TMEM132D: variants seen among roughly 807,000 people sequenced by gnomAD.
TMEM132D encodes transmembrane protein 132D, also known as mature OL transmembrane protein.
A neutral mutation model predicts 62.3 loss-of-function variants in TMEM132D; 21 were observed. The ratio of observed to expected loss-of-function variants is 0.34; its 90% CI spans 0.24 to 0.49. TMEM132D has a LOEUF of 0.49. TMEM132D is among the 20% of genes least tolerant of loss of function. The pLI is 0.99. For synonymous variants in TMEM132D, 621 were observed against 575.6 expected (o/e 1.08, Z -1.13); for missense variants, 1,346 against 1,402.8 (o/e 0.96, Z 0.65).
At chr12:129,655,837 G>T (rs1308350962) in intron 2 of TMEM132D, among the ~76,000 whole-genome samples, 1 of 152,164 alleles carries the variant, frequency 6.6e-6, no homozygotes, top group Non-Finnish European at 1.5e-5. Context: ...TATTATGAAA[G>T]AAATGCAAAC....
intron 4 of TMEM132D, among the ~76,000 whole-genome samples, chr12:129,319,555 C>T (rs1868612968): frequency 6.6e-6 from 1 of 152,078 alleles, no homozygotes; most frequent in Non-Finnish European, 1.5e-5. Context: ...TCTGAATTAT[C>T]AATAAATAGA....
chr12:129,783,429 C>G (rs1440017990), intron 1 of TMEM132D, among the ~76,000 whole-genome samples: 6 of 152,208 alleles, frequency 3.9e-5, no homozygotes, highest in African/African-American at 1.4e-4. Context: ...TCCTTTGCCA[C>G]ATACACATCC....
chr12:129,517,250 GT>G (rs1448125015), intron 3 of TMEM132D, among the ~76,000 whole-genome samples: 1 of 152,118 alleles, frequency 6.6e-6, no homozygotes, highest in African/African-American at 2.4e-5. Context: ...CCATCAAATG[GT>G]GATGATATTT....
chr12:129,390,567 G>T (rs889085326), intron 3 of TMEM132D, among the ~76,000 whole-genome samples: 2 of 152,194 alleles, frequency 1.3e-5, no homozygotes, highest in Non-Finnish European at 2.9e-5. Context: ...TGAGTGCTTT[G>T]TGTTCCTGAG....
chr12:129,109,745 G>C (rs1875623641), intron 5 of TMEM132D: 2 of 161,202 alleles, frequency 1.2e-5, no homozygotes, highest in African/African-American at 4.8e-5. Flanking sequence ...GGCCTCCCTA[G>C]CCATGGGGAC....
At chr12:129,283,588 A>G (rs1881217722) in intron 4 of TMEM132D, among the ~76,000 whole-genome samples, 1 of 152,164 alleles carries the variant, frequency 6.6e-6, no homozygotes, top group Non-Finnish European at 1.5e-5. Context: ...TTCCCAAAGT[A>G]TTGAATGATT....
At chr12:129,142,034 A>G (rs1046264536) in intron 5 of TMEM132D, among the ~76,000 whole-genome samples, 2 of 149,284 alleles carry the variant, frequency 1.3e-5, no homozygotes, top group Admixed American at 6.7e-5. Context: ...TTTTTAAAAA[A>G]TAGACTGATA....
chr12:129,364,060 G>A (rs60890331), intron 3 of TMEM132D, among the ~76,000 whole-genome samples: 6,130 of 152,252 alleles, frequency 0.04, 193 homozygotes, highest in African/African-American at 0.074. Context: ...TGTCACTCAC[G>A]AAGAGTTTTT....
At chr12:129,868,053 C>T (rs1465034907) in intron 1 of TMEM132D, among the ~76,000 whole-genome samples, 2 of 151,710 alleles carry the variant, frequency 1.3e-5, no homozygotes, top group African/African-American at 2.4e-5. Flanking sequence ...ACACATGAGA[C>T]AGCGTTTCTA....
At chr12:129,525,269 A>G (rs1238728780) in intron 3 of TMEM132D, among the ~76,000 whole-genome samples, 8 of 127,722 alleles carry the variant, frequency 6.3e-5, no homozygotes, top group Middle Eastern at 5.4e-3. Flanking sequence ...AATATAATTA[A>G]TAGAAATGAT....
At position 129,159,431 on chromosome 12, in the gene TMEM132D, C is replaced by T. The variant is rs1270312468; in HGVS notation, c.1443+50089G>A. On this transcript the variant is annotated intron_variant, in intron 5 of 8. Transcript: ENST00000422113. ...TGTTCATAACTGGGGAAGAAACACA[C>T]GAAGAGAGATAAATGACATATGCAT... Among the ~76,000 whole-genome samples the T allele has an allele frequency of 3.9e-5, 6 of 151,958 alleles. No homozygotes were observed. The East Asian group carries it at 5.8e-4, about 15-fold the overall frequency.
chr12:129,578,937 A>C (rs1877763778), intron 2 of TMEM132D, among the ~76,000 whole-genome samples: 1 of 152,210 alleles, frequency 6.6e-6, no homozygotes, highest in Non-Finnish European at 1.5e-5. Flanking sequence ...AGACACACCT[A>C]GAAATAATAT....
intron 2 of TMEM132D, among the ~76,000 whole-genome samples, chr12:129,541,531 G>A (rs767431230): frequency 4.6e-5 from 7 of 152,176 alleles, no homozygotes; most frequent in African/African-American, 7.2e-5. Flanking sequence ...AGGGGATGGC[G>A]AGAGAGGGTA....
chr12:129,423,151 A>T (rs2135712079), intron 3 of TMEM132D, among the ~76,000 whole-genome samples: 1 of 152,194 alleles, frequency 6.6e-6, no homozygotes, highest in Admixed American at 6.5e-5. Flanking sequence ...TAAAAAAATA[A>T]ATCTCAATTC....
intron 5 of TMEM132D, chr12:129,170,346 A>T (rs965363697): frequency 1.3e-5 from 2 of 152,226 alleles, no homozygotes; most frequent in African/African-American, 2.4e-5. Context: ...TTGTTGATAC[A>T]GGCACACCTT....
chr12:129,870,157 AT>A (rs1366291911), intron 1 of TMEM132D, among the ~76,000 whole-genome samples: 4 of 151,870 alleles, frequency 2.6e-5, no homozygotes, highest in Non-Finnish European at 5.9e-5. Flanking sequence ...TAATTTTTGT[AT>A]TTTTTGTAGA....
intron 2 of TMEM132D, among the ~76,000 whole-genome samples, chr12:129,684,207 C>T (rs1880852783): frequency 6.6e-6 from 1 of 152,094 alleles, no homozygotes; most frequent in African/African-American, 2.4e-5. Context: ...TTATAGTTTC[C>T]ATAATCCCCA....
intron 1 of TMEM132D, among the ~76,000 whole-genome samples, chr12:129,756,294 G>T (rs1055319212): frequency 1.3e-5 from 2 of 152,044 alleles, no homozygotes; most frequent in Non-Finnish European, 2.9e-5. Flanking sequence ...TAATAAAGAA[G>T]AGAAAAACAA....
intron 2 of TMEM132D, among the ~76,000 whole-genome samples, chr12:129,615,176 C>G (rs998222466): frequency 1.3e-5 from 2 of 152,092 alleles, no homozygotes; most frequent in African/African-American, 4.8e-5. Context: ...AAATGATACA[C>G]TGAATTATTT....
Sources: gnomAD v4.1 joint callset for allele counts (sites outside exome capture counted in the v4.1 genomes callset) on GRCh38, gnomAD v4.1.1 for gene constraint, MANE v1.5 for transcripts, NCBI Gene and HGNC (gene_info 2026-07-23, HGNC 2026-07-21) for gene names.